The following UGT1A9 variants were observed in gnomAD, a reference collection of about 807,000 sequenced individuals.
UGT1A9 encodes UDP-glucuronosyltransferase 1A9.
UGT1A9 carries 35 observed loss-of-function variants against 45.0 expected under a neutral mutation model. The ratio of observed to expected loss-of-function variants is 0.78; its 90% CI spans 0.59 to 1.03. The LOEUF is 1.03. UGT1A9 is among the 50% of genes least tolerant of loss of function. The pLI is 0.00. For synonymous variants in UGT1A9, 278 were observed against 250.6 expected (o/e 1.11, Z -1.03); for missense variants, 687 against 666.6 (o/e 1.03, Z -0.34).
chr2:233,684,024 A>C (rs1575432066), intron 1 of UGT1A9, among the ~76,000 whole-genome samples: 1 of 152,224 alleles, frequency 6.6e-6, no homozygotes, highest in Non-Finnish European at 1.5e-5. Context: ...TGGCAAATGC[A>C]TAGTTGCTAA....
intron 1 of UGT1A9, chr2:233,744,001 A>C (rs2125858946): frequency 2.5e-6 from 3 of 1,207,932 alleles, no homozygotes; most frequent in Admixed American, 2.6e-5. Context: ...GAGTGCTCGG[A>C]GACCTGGGCC....
At chr2:233,719,608 T>C in intron 1 of UGT1A9, 1 of 1,614,074 alleles carries the variant, frequency 6.2e-7, no homozygotes, top group Non-Finnish European at 8.5e-7. Context: ...GACTTTGTGA[T>C]GGACTACCCC....
intron 1 of UGT1A9, among the ~76,000 whole-genome samples, chr2:233,720,939 G>T (rs28899186): frequency 0.081 from 11,996 of 147,890 alleles, 613 homozygotes; most frequent in East Asian, 0.2. Context: ...TTGAACTCCT[G>T]ACCTCATGTG....
At chr2:233,704,255 G>A (rs1278794786) in intron 1 of UGT1A9, among the ~76,000 whole-genome samples, 1 of 76,424 alleles carries the variant, frequency 1.3e-5, no homozygotes, top group African/African-American at 8.7e-5. Flanking sequence ...TGCCTTTATT[G>A]CTTTTTTTTT....
intron 1 of UGT1A9, chr2:233,692,877 T>C: frequency 6.7e-7 from 1 of 1,497,084 alleles, no homozygotes; most frequent in Non-Finnish European, 8.9e-7. Context: ...AAGGGTAAAA[T>C]TCAGAGCAAG....
Position 233,773,207 on chromosome 2 carries a change from A to G in UGT1A9, c.*648A>G, listed in dbSNP as rs1436243452. On this transcript the variant is annotated 3_prime_UTR_variant, in exon 5 of 5. Coordinates refer to ENST00000354728, the MANE Select transcript of UGT1A9 (RefSeq NM_021027.3). ...TCAAATGGAGCTGAATTTGATAAAAACCCAAAATACAGCTATGAAGTGCTG... is the reference window on the plus strand; with the variant it reads ...TCAAATGGAGCTGAATTTGATAAAAGCCCAAAATACAGCTATGAAGTGCTG... 1 of 152,384 alleles carries G rather than the reference A, an allele frequency of 6.6e-6. No homozygotes were observed. The highest frequency in any genetic ancestry group is 2.4e-5 in the African/African-American group (1 of 41,416). The allele number at this position is 152,384 out of a possible 1,614,324, so 9.4% of individuals were successfully genotyped here. A position where few individuals can be genotyped will look rare whatever the true frequency, so the allele number is the denominator to read the frequency against.
chr2:233,714,599 A>G (rs2076399470), intron 1 of UGT1A9, among the ~76,000 whole-genome samples: 1 of 152,252 alleles, frequency 6.6e-6, no homozygotes, highest in Non-Finnish European at 1.5e-5. Flanking sequence ...TCTAGTGGGC[A>G]TGTTAAACAC....
intron 1 of UGT1A9, chr2:233,748,139 A>G: frequency 1.2e-6 from 2 of 1,608,528 alleles, no homozygotes. Context: ...TAAAAATTGT[A>G]TTTACTTACA....
At chr2:233,678,991 T>C (rs945437915) in intron 1 of UGT1A9, among the ~76,000 whole-genome samples, 1 of 152,232 alleles carries the variant, frequency 6.6e-6, no homozygotes, top group Non-Finnish European at 1.5e-5. Context: ...GCTCTTTCTA[T>C]AATAACAGTG....
chr2:233,679,691 G>C (rs915650014), intron 1 of UGT1A9, among the ~76,000 whole-genome samples: 5 of 152,016 alleles, frequency 3.3e-5, no homozygotes, highest in African/African-American at 1.2e-4. Flanking sequence ...CTTGGCAGAG[G>C]CTGGTTCTCC....
At chr2:233,747,116 TG>T (rs1693565638) in intron 1 of UGT1A9, 1 of 1,446,720 alleles carries the variant, frequency 6.9e-7, no homozygotes, top group African/African-American at 1.4e-5. Context: ...CATGATGATT[TG>T]CTAAGTGGCT....
chr2:233,698,637 A>G (rs539237252), intron 1 of UGT1A9, among the ~76,000 whole-genome samples: 1 of 152,378 alleles, frequency 6.6e-6, no homozygotes, highest in Admixed American at 6.5e-5. Flanking sequence ...CTAACAGGTT[A>G]GTAAGCATGC....
chr2:233,691,576 G>A (rs1251498090), intron 1 of UGT1A9: 1 of 985,544 alleles, frequency 1.0e-6, no homozygotes, highest in African/African-American at 1.7e-5. Flanking sequence ...CTCTCACTGG[G>A]ACAGCCTAGT....
intron 1 of UGT1A9, among the ~76,000 whole-genome samples, chr2:233,675,142 AG>A (rs11330313): frequency 0.19 from 28,379 of 152,052 alleles, 2,846 homozygotes; most frequent in Non-Finnish European, 0.23. Flanking sequence ...GAGGCTATCC[AG>A]GGGAATTACA....
At chr2:233,726,177 A>G (rs2077512621) in intron 1 of UGT1A9, among the ~76,000 whole-genome samples, 2 of 152,148 alleles carry the variant, frequency 1.3e-5, no homozygotes, top group South Asian at 4.2e-4. Context: ...AAAAAATAAA[A>G]ATTTCTTTGG....
intron 1 of UGT1A9, chr2:233,753,227 G>C (rs1159268565): frequency 6.6e-6 from 1 of 152,106 alleles, no homozygotes; most frequent in Non-Finnish European, 1.5e-5. Flanking sequence ...GATACTTCTT[G>C]TATAGTTATT....
intron 1 of UGT1A9, among the ~76,000 whole-genome samples, chr2:233,759,538 A>T (rs1009544779): frequency 6.6e-6 from 1 of 152,036 alleles, no homozygotes. Context: ...TTCTGTTCAC[A>T]TGCGCTCCAG....
At chr2:233,698,403 A>ACAC (rs1306407521) in intron 1 of UGT1A9, among the ~76,000 whole-genome samples, 3 of 152,206 alleles carry the variant, frequency 2.0e-5, no homozygotes. Context: ...ATTTTATGTG[A>ACAC]CTTCATCGCA....
chr2:233,677,042 A>G (rs774903728), intron 1 of UGT1A9, among the ~76,000 whole-genome samples: 3 of 151,982 alleles, frequency 2.0e-5, no homozygotes, highest in East Asian at 1.9e-4. Flanking sequence ...CTTTTGCATT[A>G]CCATATGCAT....
Sources: allele counts gnomAD v4.1 joint callset (sites outside exome capture counted in the v4.1 genomes callset), GRCh38; gene constraint gnomAD v4.1.1; transcripts MANE v1.5; gene names NCBI Gene and HGNC (gene_info 2026-07-23, HGNC 2026-07-21).